The following SLC25A48 variants were observed in gnomAD, a reference collection of about 807,000 sequenced individuals.
The protein encoded by SLC25A48 is solute carrier family 25 member 48, also known as CTC-321K16.1.
In SLC25A48, 29 loss-of-function variants were observed where a neutral mutation model predicts 32.2. The observed-to-expected ratio is 0.90, with a 90% CI of 0.67 to 1.23. The LOEUF (loss-of-function observed/expected upper bound fraction) is 1.23, where lower values mean the gene tolerates loss of function less well. SLC25A48 is among the 50% of genes most tolerant of loss of function. The probability of loss-of-function intolerance (pLI) is 0.00; values close to 1 mark genes in which losing one functional copy is unlikely to be tolerated. For synonymous variants in SLC25A48, 164 were observed against 172.3 expected (o/e 0.95, Z 0.38); for missense variants, 399 against 422.7 (o/e 0.94, Z 0.49).
At chr5:135,820,196 G>A (rs1395588031) in intron 4 of SLC25A48, among the ~76,000 whole-genome samples, 1 of 152,172 alleles carries the variant, frequency 6.6e-6, no homozygotes, top group African/African-American at 2.4e-5. Context: ...AGCAAATTGT[G>A]TTACGCCACA....
At chr5:135,609,192 G>A (rs1561756401) in intron 1 of SLC25A48, 2 of 152,196 alleles carry the variant, frequency 1.3e-5, no homozygotes, top group Admixed American at 6.5e-5. Context: ...TTACCCCAGT[G>A]ATCTCATACC....
intron 3 of SLC25A48, among the ~76,000 whole-genome samples, chr5:135,725,659 G>C (rs1293838842): frequency 6.6e-6 from 1 of 152,066 alleles, no homozygotes; most frequent in Non-Finnish European, 1.5e-5. Context: ...CTCCTGTGTT[G>C]GCACACAGCA....
At chr5:135,721,831 G>C (rs1023136671) in intron 3 of SLC25A48, among the ~76,000 whole-genome samples, 2 of 152,242 alleles carry the variant, frequency 1.3e-5, no homozygotes, top group African/African-American at 4.8e-5. Context: ...AGAGCTCTGG[G>C]AAGGTGAACC....
At chr5:135,593,349 G>T (rs1196860800) in intron 1 of SLC25A48, among the ~76,000 whole-genome samples, 1 of 152,206 alleles carries the variant, frequency 6.6e-6, no homozygotes, top group Non-Finnish European at 1.5e-5. Flanking sequence ...CCTACAGCTG[G>T]TTTTCTGTGC....
chr5:135,778,661 G>T (rs1756632455), intron 3 of SLC25A48, among the ~76,000 whole-genome samples: 1 of 148,152 alleles, frequency 6.7e-6, no homozygotes, highest in South Asian at 2.2e-4. Flanking sequence ...GGGTGACATT[G>T]CTCCCAGTAT....
intron 3 of SLC25A48, among the ~76,000 whole-genome samples, chr5:135,790,615 C>T (rs6864271): frequency 0.023 from 3,494 of 149,794 alleles, 56 homozygotes; most frequent in Non-Finnish European, 0.032. Flanking sequence ...AATATCCTGG[C>T]GAGATGTTAC....
chr5:135,731,989 C>A (rs1258791775), intron 3 of SLC25A48, among the ~76,000 whole-genome samples: 3 of 152,206 alleles, frequency 2.0e-5, no homozygotes, highest in Admixed American at 1.3e-4. Flanking sequence ...GGGGTGCAGT[C>A]CAAGTTGGGC....
In SLC25A48 at chr5:135,719,470, C is replaced by T. The variant is rs113818896; in HGVS notation, c.-521+84514C>T. 5.1e-3 allele frequency among the ~76,000 whole-genome samples: 776 copies of T among 152,200 alleles called. 6 individuals are homozygous for T. Among genetic ancestry groups the T allele is most frequent in the African/African-American group, 0.017 (715 of 41,528 alleles). ...TGGAATCCTGGCTTCCACCCCTCCC[C>T]ATGGAGCCCAAGGGAAGGGATGCAG... On this transcript the variant is annotated intron_variant, in intron 3 of 10. Transcript: ENST00000646290.
rs190826925 is a variant in SLC25A48, at chr5:135,786,661, C to T, written c.-520-25862C>T. On this transcript the variant is annotated intron_variant, in intron 3 of 10. Transcript: ENST00000646290. ...ATTGTAATTTCTTAGGGGGATATTT[C>T]TCCTAATGTCACAGTGGGTGTTCAC... Among the ~76,000 whole-genome samples the T allele has an allele frequency of 6.7e-3, 1,014 of 152,136 alleles. 9 individuals carry two copies. Among genetic ancestry groups the T allele is most frequent in the African/African-American group, 0.023 (949 of 41,488 alleles).
intron 3 of SLC25A48, among the ~76,000 whole-genome samples, chr5:135,704,252 C>A (rs1280669245): frequency 6.6e-6 from 1 of 152,210 alleles, no homozygotes; most frequent in South Asian, 2.1e-4. Context: ...GCAAATCAGA[C>A]TAAAAACAAG....
chr5:135,685,473 C>T (rs1297194363), intron 3 of SLC25A48, among the ~76,000 whole-genome samples: 2 of 138,692 alleles, frequency 1.4e-5, no homozygotes, highest in African/African-American at 5.3e-5. Flanking sequence ...GCTCTTGTTG[C>T]CCAGGCTGTA....
At chr5:135,584,847 C>G (rs1751325381) in intron 1 of SLC25A48, among the ~76,000 whole-genome samples, 1 of 152,216 alleles carries the variant, frequency 6.6e-6, no homozygotes, top group African/African-American at 2.4e-5. Flanking sequence ...AAACAGTAAC[C>G]TCTGTACAAA....
At chr5:135,850,074 G>T (rs1343630493) in intron 2 of SLC25A48, among the ~76,000 whole-genome samples, 5 of 152,184 alleles carry the variant, frequency 3.3e-5, no homozygotes, top group African/African-American at 1.2e-4. Flanking sequence ...AGAAGAGCAG[G>T]TGTCCCCCAA....
intron 3 of SLC25A48, among the ~76,000 whole-genome samples, chr5:135,674,191 G>A (rs1753717875): frequency 6.6e-6 from 1 of 151,854 alleles, no homozygotes; most frequent in East Asian, 1.9e-4. Context: ...ATGTGATATT[G>A]TGTTACGTGC....
At chr5:135,600,991 G>A (rs765730254) in intron 1 of SLC25A48, 2 of 148,044 alleles carry the variant, frequency 1.4e-5, no homozygotes, top group African/African-American at 5.1e-5. Context: ...TGCCCGGCAA[G>A]TGTTTTTTGA....
intron 3 of SLC25A48, among the ~76,000 whole-genome samples, chr5:135,661,066 G>A (rs1266310750): frequency 6.6e-6 from 1 of 152,222 alleles, no homozygotes; most frequent in Non-Finnish European, 1.5e-5. Flanking sequence ...GAGGCAGACA[G>A]CCCTAAAGGA....
At chr5:135,721,962 G>A (rs1011242358) in intron 3 of SLC25A48, among the ~76,000 whole-genome samples, 3 of 152,246 alleles carry the variant, frequency 2.0e-5, no homozygotes, top group African/African-American at 4.8e-5. Context: ...AGGCCACTGA[G>A]CCCAGGTATG....
chr5:135,697,529 C>G (rs1754296908), intron 3 of SLC25A48, among the ~76,000 whole-genome samples: 1 of 152,162 alleles, frequency 6.6e-6, no homozygotes, highest in Non-Finnish European at 1.5e-5. Flanking sequence ...GGGAGTGTGC[C>G]CAGCTGGAAA....
In SLC25A48 at chr5:135,783,160, C is replaced by T. The variant is rs536394599; in HGVS notation, c.-520-29363C>T. 3.3e-5 allele frequency among the ~76,000 whole-genome samples: 4 copies of T among 120,414 alleles called. 1 individual carries two copies. The highest frequency in any genetic ancestry group is 2.1e-4 in the East Asian group (1 of 4,688). The allele number at this position is 120,414 out of a possible 152,430, so 79.0% of individuals were successfully genotyped here. ...CAGAAGATGATATTACCCCCAATAT[C>T]GCACAGGGCGTACACTTTCCTTGTG... On this transcript the variant is annotated intron_variant, in intron 3 of 10. Transcript: ENST00000646290.
Sources: allele counts gnomAD v4.1 joint callset (sites outside exome capture counted in the v4.1 genomes callset), GRCh38; gene constraint gnomAD v4.1.1; transcripts MANE v1.5; gene names NCBI Gene and HGNC (gene_info 2026-07-23, HGNC 2026-07-21).